OPA3: variants seen among roughly 807,000 people sequenced by gnomAD.
OPA3 encodes optic atrophy 3 protein.
Under a neutral mutation model 4.0 loss-of-function variants are expected in OPA3, and 6 were observed. The ratio of observed to expected loss-of-function variants is 1.51; its 90% CI spans 0.83 to 2.99. The LOEUF is 2.99. Ranked by LOEUF, OPA3 falls within the 30% of genes most tolerant of loss-of-function variation. The probability of loss-of-function intolerance (pLI) is 0.00; values close to 1 mark genes in which losing one functional copy is unlikely to be tolerated. For synonymous variants in OPA3, 105 were observed against 117.1 expected (o/e 0.90, Z 0.67); for missense variants, 235 against 256.2 (o/e 0.92, Z 0.56).
chr19:45,545,033 C>A (rs1297458969), downstream of OPA3, among the ~76,000 whole-genome samples: 1 of 150,544 alleles, frequency 6.6e-6, no homozygotes, highest in Non-Finnish European at 1.5e-5. Context: ...GGCATGGTGG[C>A]AGGTGCCTGG....
chr19:45,551,564 C>G lies in OPA3; in HGVS notation c.*1950G>C, dbSNP rs4404183. 1 of 267,260 alleles carries G rather than the reference C, an allele frequency of 3.7e-6. No individual in the cohort carries two copies. The highest frequency in any genetic ancestry group is 5.8e-6 in the Non-Finnish European group (1 of 173,630). The allele number at this position is 267,260 out of a possible 1,614,324, so 16.6% of individuals were successfully genotyped here. On this transcript the variant is annotated 3_prime_UTR_variant, in exon 2 of 2. Transcript: ENST00000263275. ...AATCACCAGGAGCTGGAAGAGGGAG[C>G]GTGTCCCTGTCAGCACCTTGGTTTC...
intron 1 of OPA3, among the ~76,000 whole-genome samples, chr19:45,539,125 A>G (rs1390933877): frequency 1.3e-5 from 2 of 152,058 alleles, no homozygotes; most frequent in Non-Finnish European, 2.9e-5. Context: ...CATAAGGGAA[A>G]CCACCCCCAT....
chr19:45,544,203 C>T (rs139642524), downstream of OPA3, among the ~76,000 whole-genome samples: 2 of 152,236 alleles, frequency 1.3e-5, no homozygotes, highest in Non-Finnish European at 2.9e-5. Context: ...TCACTGCTCT[C>T]GAGACAAATG....
At chr19:45,572,747 ATATATATCTCGATATATATC>A (rs1458750765) in intron 1 of OPA3, among the ~76,000 whole-genome samples, 3 of 137,170 alleles carry the variant, frequency 2.2e-5, no homozygotes, top group African/African-American at 8.4e-5. Context: ...ATATATATAG[ATATATATCTCGATATATATC>A]TATATATATC....
chr19:45,582,396 G>A (rs1440140039), intron 1 of OPA3, among the ~76,000 whole-genome samples: 1 of 151,680 alleles, frequency 6.6e-6, no homozygotes, highest in Non-Finnish European at 1.5e-5. Flanking sequence ...CTGACCTCAG[G>A]TGCTCCACCC....
chr19:45,561,946 A>AAAAT (rs764488967), intron 1 of OPA3, among the ~76,000 whole-genome samples: 4 of 151,910 alleles, frequency 2.6e-5, no homozygotes, highest in Non-Finnish European at 4.4e-5. Flanking sequence ...CTCCGTCTCA[A>AAAAT]AAATAAATAA....
At chr19:45,534,930 C>T (rs1424877241) in intron 1 of OPA3, among the ~76,000 whole-genome samples, 7 of 152,136 alleles carry the variant, frequency 4.6e-5, no homozygotes. Flanking sequence ...TGCATCCAGC[C>T]TGAACTCCTT....
intron 1 of OPA3, among the ~76,000 whole-genome samples, chr19:45,563,187 T>C (rs1009615879): frequency 3.9e-5 from 6 of 152,050 alleles, no homozygotes; most frequent in Non-Finnish European, 2.9e-5. Flanking sequence ...AGAGTCGGAG[T>C]CTCACTGTGT....
At chr19:45,544,829 G>T (rs1305048494), downstream of OPA3, among the ~76,000 whole-genome samples, 1 of 103,438 alleles carries the variant, frequency 9.7e-6, no homozygotes, top group Non-Finnish European at 2.1e-5. Flanking sequence ...TAAATAAATA[G>T]GAAATTAACC....
chr19:45,548,251 T>C lies in OPA3; in HGVS notation c.*5263A>G. 2.0e-6 allele frequency: 2 copies of C among 985,504 alleles called. No homozygotes were observed. The highest frequency in any genetic ancestry group is 2.4e-6 in the Non-Finnish European group (2 of 829,950). 61.0% of individuals were successfully genotyped at this position (985,504 alleles called of 1,614,324 possible). A position where few individuals can be genotyped will look rare whatever the true frequency, so the allele number is the denominator to read the frequency against. ...AGGAGTAGCTCCGTGAGCCAATAGATCAGGTTGGGGCTTATGTAAAGCCCA... is the reference window on the plus strand; with the variant it reads ...AGGAGTAGCTCCGTGAGCCAATAGACCAGGTTGGGGCTTATGTAAAGCCCA... On this transcript the variant is annotated 3_prime_UTR_variant, in exon 2 of 2. Coordinates refer to ENST00000263275, the MANE Select transcript of OPA3 (RefSeq NM_025136.4).
Position 45,553,529 on chromosome 19 carries a change from A to T in OPA3, c.525T>A (p.Pro175=), listed in dbSNP as rs1390822627. 1 of 1,613,184 alleles carries T rather than the reference A, an allele frequency of 6.2e-7. No individual in the cohort carries two copies. Among genetic ancestry groups the T allele is most frequent in the Non-Finnish European group, 8.5e-7 (1 of 1,180,012 alleles). ...CAGCAAGCTCCTATTTCTTGGACGC[A>T]GGCACTGCGTGGGAAGCGGACCGGC... ...NPGRSASHAV[P]ASKK Residue 175 remains proline, a synonymous_variant, in exon 2 of 2, where the codon CCT becomes CCA. Transcript: ENST00000263275.
chr19:45,536,931 T>C (rs1969124873), intron 1 of OPA3, among the ~76,000 whole-genome samples: 2 of 151,858 alleles, frequency 1.3e-5, no homozygotes, highest in Admixed American at 6.6e-5. Flanking sequence ...AATAACACTT[T>C]TAGAAAAAAA....
intron 1 of OPA3, among the ~76,000 whole-genome samples, chr19:45,556,999 C>T (rs1969430695): frequency 6.6e-6 from 1 of 152,194 alleles, no homozygotes; most frequent in African/African-American, 2.4e-5. Context: ...TGACACTCGC[C>T]AGACCTGGTG....
At chr19:45,562,356 AAAAAAAAG>A (rs1166142742) in intron 1 of OPA3, among the ~76,000 whole-genome samples, 2 of 145,688 alleles carry the variant, frequency 1.4e-5, no homozygotes, top group Non-Finnish European at 3.0e-5. Flanking sequence ...AAAAAAAAAA[AAAAAAAAG>A]AAAAGAAAAA....
In OPA3 at chr19:45,558,722, GTTT is replaced by G. The variant is rs573234842; in HGVS notation, c.143-4814_143-4812del. Among the ~76,000 whole-genome samples, 4 of 146,508 alleles carry G rather than the reference GTTT, an allele frequency of 2.7e-5. No individual in the cohort carries two copies. The East Asian group carries it at 5.9e-4, about 22-fold the overall frequency. On this transcript the variant is annotated intron_variant, in intron 1 of 1. Coordinates refer to ENST00000263275, the MANE Select transcript of OPA3 (RefSeq NM_025136.4). Reference sequence around the variant, plus strand: ...AGTTTTTATTATTCTATGTTCTGCTGTTTTTTTTTTTTATTTTTTTTAGACGGA... The same window carrying G: ...AGTTTTTATTATTCTATGTTCTGCTGTTTTTTTTTATTTTTTTTAGACGGA...
chr19:45,557,272 G>A (rs113456440), intron 1 of OPA3, among the ~76,000 whole-genome samples: 2,458 of 152,206 alleles, frequency 0.016, 45 homozygotes, highest in African/African-American at 0.053. Flanking sequence ...GTGTGTGCAC[G>A]CGTGTGTGCA....
At chr19:45,584,063 G>C (rs1347538836) in intron 1 of OPA3, among the ~76,000 whole-genome samples, 1 of 152,108 alleles carries the variant, frequency 6.6e-6, no homozygotes, top group Admixed American at 6.6e-5. Context: ...GTCCTTTTCC[G>C]GATTCCCAGG....
chr19:45,571,506 A>C (rs2122491217), intron 1 of OPA3, among the ~76,000 whole-genome samples: 1 of 152,248 alleles, frequency 6.6e-6, no homozygotes, highest in East Asian at 1.9e-4. Flanking sequence ...TAGGGAAGGA[A>C]CCTCAGAAGT....
At position 45,548,408 on chromosome 19, in the gene OPA3, G is replaced by C; in HGVS notation, c.*5106C>G. The C allele has an allele frequency of 3.0e-6, 3 of 985,586 alleles. No individual in the cohort carries two copies. Among genetic ancestry groups the C allele is most frequent in the Non-Finnish European group, 3.6e-6 (3 of 830,026 alleles). The allele number at this position is 985,586 out of a possible 1,614,324, so 61.1% of individuals were successfully genotyped here. Reference sequence around the variant, plus strand: ...GGCACAGCCCTCAGGGCACCTCCCAGGGTTTTGTGAGCTGGGATGAATGGG... The same window carrying C: ...GGCACAGCCCTCAGGGCACCTCCCACGGTTTTGTGAGCTGGGATGAATGGG... On this transcript the variant is annotated 3_prime_UTR_variant, in exon 2 of 2. Transcript: ENST00000263275.
Sources: allele counts gnomAD v4.1 joint callset (sites outside exome capture counted in the v4.1 genomes callset), GRCh38; gene constraint gnomAD v4.1.1; transcripts MANE v1.5; gene names NCBI Gene and HGNC (gene_info 2026-07-23, HGNC 2026-07-21).